MAGI1: variants seen among roughly 807,000 people sequenced by gnomAD.
The protein encoded by MAGI1 is membrane associated guanylate kinase, WW and PDZ domain containing 1, also known as membrane-associated guanylate kinase, WW and PDZ domain-containing protein 1.
Under a neutral mutation model 139.9 loss-of-function variants are expected in MAGI1, and 58 were observed. The ratio of observed to expected loss-of-function variants is 0.41; its 90% CI spans 0.34 to 0.52. MAGI1 has a LOEUF of 0.52. Ranked by LOEUF, MAGI1 falls within the 20% of genes least tolerant of loss-of-function variation. The pLI is 0.12. For synonymous variants in MAGI1, 812 were observed against 737.9 expected, an observed-to-expected ratio of 1.10 and a Z score of -1.63; for missense variants, 1,874 against 1,901.6, an observed-to-expected ratio of 0.99 and a Z score of 0.27.
intron 2 of MAGI1, 110 bp from the exon 3 acceptor site, chr3:65,493,741 C>T: frequency 4.9e-6 from 6 of 1,227,888 alleles, no homozygotes; most frequent in Non-Finnish European, 6.9e-6. Flanking sequence ...GTACCTAAGA[C>T]TCTGCTGCCT....
intron 1 of MAGI1, among the ~76,000 whole-genome samples, chr3:65,627,614 C>T (rs984212718): frequency 1.4e-5 from 2 of 147,030 alleles, no homozygotes; most frequent in Non-Finnish European, 1.5e-5. Context: ...TTCACGCCAT[C>T]CTCCTGCCTC....
At chr3:65,739,359 T>A (rs1448180581) in intron 1 of MAGI1, among the ~76,000 whole-genome samples, 3 of 152,208 alleles carry the variant, frequency 2.0e-5, no homozygotes. Context: ...TAAGGAAATG[T>A]TGTACCTGGT....
At chr3:65,455,615 T>C (rs901252623) in intron 5 of MAGI1, among the ~76,000 whole-genome samples, 1 of 152,064 alleles carries the variant, frequency 6.6e-6, no homozygotes, top group Non-Finnish European at 1.5e-5. Flanking sequence ...TGCGCACCTG[T>C]GGTCCTAGCT....
intron 22 of MAGI1, chr3:65,359,967 A>G: frequency 1.0e-6 from 1 of 985,416 alleles, no homozygotes; most frequent in Non-Finnish European, 1.2e-6. Flanking sequence ...AGTTCAGTAC[A>G]GTGCACAGCC....
intron 1 of MAGI1, among the ~76,000 whole-genome samples, chr3:65,725,419 T>C (rs945350831): frequency 2.0e-5 from 3 of 152,176 alleles, no homozygotes; most frequent in African/African-American, 7.2e-5. Flanking sequence ...TGAGTTCTTA[T>C]TATACCACCC....
rs1952210252 is a variant in MAGI1, at chr3:65,493,550, T to C, written c.512A>G (p.Glu171Gly). 1 of 1,614,048 alleles carries C rather than the reference T, an allele frequency of 6.2e-7. No individual in the cohort carries two copies. The highest frequency in any genetic ancestry group is 1.3e-5 in the African/African-American group (1 of 74,906). The change falls in exon 3 of 23, where the codon GAG becomes GGG. Residue 171 changes from glutamate (E) to glycine (G), a missense_variant. By Grantham distance (98) the Glu-to-Gly change is moderately conservative (BLOSUM62 -2). This residue lies in a region of MAGI1 where 648 missense variants were observed against 598.1 expected (regional missense o/e 1.08). Coordinates refer to ENST00000402939, the MANE Select transcript of MAGI1 (RefSeq NM_001033057.2). ...GACTTCCAGAAGAGTCCCACTCTGC[T>C]CGAGGTCCAAGAACTCCTTCACAGT... ...FLTVKEFLDL[E>G]QSGTLLEVGT...
intron 1 of MAGI1, among the ~76,000 whole-genome samples, chr3:65,703,310 C>T (rs145417092): frequency 4.1e-4 from 62 of 152,270 alleles, no homozygotes; most frequent in African/African-American, 1.4e-3. Context: ...AAGTGAGGAC[C>T]CATGACTGGC....
rs1323306849 is a variant in MAGI1, at chr3:65,353,779, T to A, written c.*2599A>T. 6.6e-6 allele frequency: 1 copy of A among 152,156 alleles called. No individual in the cohort carries two copies. The highest frequency in any genetic ancestry group is 1.5e-5 in the Non-Finnish European group (1 of 68,056). 9.4% of individuals were successfully genotyped at this position (152,156 alleles called of 1,614,324 possible). The stretch of plus-strand genomic sequence containing the variant: ...AGGGGGGCGGCGGGATTAAGGAAAG[T>A]AGGCTCACAAGAATCAGTTTCCAAT... On this transcript the variant is annotated 3_prime_UTR_variant, in exon 23 of 23. Coordinates refer to ENST00000402939, the MANE Select transcript of MAGI1 (RefSeq NM_001033057.2).
chr3:65,606,083 C>A (rs922453922), intron 2 of MAGI1, among the ~76,000 whole-genome samples: 7 of 152,166 alleles, frequency 4.6e-5, no homozygotes, highest in Admixed American at 1.3e-4. Flanking sequence ...CAGAGCCTCT[C>A]TTGGTGCTTT....
intron 3 of MAGI1, among the ~76,000 whole-genome samples, chr3:65,490,407 T>C (rs1951919946): frequency 6.6e-6 from 1 of 152,170 alleles, no homozygotes; most frequent in South Asian, 2.1e-4. Context: ...AGGGGACTTG[T>C]CCAGGGGAGG....
At chr3:65,609,751 A>AT (rs1412220202) in intron 2 of MAGI1, 5 of 329,186 alleles carry the variant, frequency 1.5e-5, no homozygotes, top group South Asian at 5.2e-5. Flanking sequence ...TACCTGGGTA[A>AT]TTTTTTGTAG....
intron 1 of MAGI1, among the ~76,000 whole-genome samples, chr3:65,825,347 C>G (rs1448019898): frequency 6.6e-6 from 1 of 152,144 alleles, no homozygotes; most frequent in East Asian, 1.9e-4. Flanking sequence ...AATACTTTAA[C>G]CTAAGCAGTG....
chr3:65,383,274 G>A lies in MAGI1; in HGVS notation c.2508+258C>T, dbSNP rs185918887. Among the ~76,000 whole-genome samples, 138 of 152,218 alleles carry A rather than the reference G, an allele frequency of 9.1e-4. 2 individuals carry two copies. Among genetic ancestry groups the A allele is most frequent in the East Asian group, 3.9e-4 (2 of 5,172 alleles). Reference sequence around the variant, plus strand: ...TTTGCTTTCTGTTTTCATCTCCCTTGGGGGAAAAGGGGTGGTCTACAGAGG... The same window carrying A: ...TTTGCTTTCTGTTTTCATCTCCCTTAGGGGAAAAGGGGTGGTCTACAGAGG... On this transcript the variant is annotated intron_variant, in intron 15 of 22. Coordinates refer to ENST00000402939, the MANE Select transcript of MAGI1 (RefSeq NM_001033057.2).
chr3:65,780,924 T>C (rs940387547), intron 1 of MAGI1, among the ~76,000 whole-genome samples: 15 of 152,220 alleles, frequency 9.9e-5, no homozygotes, highest in African/African-American at 3.4e-4. Flanking sequence ...TTGTATTTTT[T>C]AAAAGTTTGG....
At chr3:65,387,262 T>G (rs1393556380) in intron 14 of MAGI1, 1 of 1,479,172 alleles carries the variant, frequency 6.8e-7, no homozygotes, top group South Asian at 1.1e-5. Context: ...CAAAGCTTAA[T>G]GTACATTCTT....
chr3:65,423,326 G>C (rs959536468), intron 12 of MAGI1, among the ~76,000 whole-genome samples: 1 of 152,076 alleles, frequency 6.6e-6, no homozygotes, highest in African/African-American at 2.4e-5. Context: ...GCTTACCGTG[G>C]TTCTAATTAT....
At chr3:65,437,452 C>T (rs532958404) in intron 9 of MAGI1, among the ~76,000 whole-genome samples, 11 of 147,102 alleles carry the variant, frequency 7.5e-5, no homozygotes, top group Admixed American at 1.4e-4. Flanking sequence ...AGAAATATTA[C>T]GATATAATGA....
intron 2 of MAGI1, among the ~76,000 whole-genome samples, chr3:65,502,801 G>A (rs184390509): frequency 3.5e-4 from 54 of 152,308 alleles, no homozygotes; most frequent in African/African-American, 1.3e-3. Flanking sequence ...ACAGAAGGGT[G>A]CGTTGAAGCA....
At chr3:65,662,594 T>C (rs753611576) in intron 1 of MAGI1, among the ~76,000 whole-genome samples, 3 of 152,256 alleles carry the variant, frequency 2.0e-5, no homozygotes, top group Non-Finnish European at 2.9e-5. Flanking sequence ...TTTCTCTTTT[T>C]TATTGTATCA....
Sources: allele counts gnomAD v4.1 joint callset (sites outside exome capture counted in the v4.1 genomes callset), GRCh38; gene constraint gnomAD v4.1.1; regional missense constraint gnomAD v4.1.1; transcripts MANE v1.5; gene names NCBI Gene and HGNC (gene_info 2026-07-23, HGNC 2026-07-21).